NSD1: variants seen among roughly 807,000 people sequenced by gnomAD.
NSD1 encodes the protein nuclear receptor binding SET domain protein 1, also known as histone-lysine N-methyltransferase, H3 lysine-36 specific.
Under a neutral mutation model 242.7 loss-of-function variants are expected in NSD1, and 26 were observed. The ratio of observed to expected loss-of-function variants is 0.11; its 90% CI spans 0.08 to 0.15. The LOEUF is 0.15. Ranked by LOEUF, NSD1 falls within the 10% of genes least tolerant of loss-of-function variation. NSD1 has a pLI of 1.00. For synonymous variants in NSD1, 1,106 were observed against 1,178.1 expected, an observed-to-expected ratio of 0.94 and a Z score of 1.25; for missense variants, 2,495 against 3,272.8, an observed-to-expected ratio of 0.76 and a Z score of 5.80.
intron 16 of NSD1, 43 bp from the exon 17 acceptor site, chr5:177,273,629 C>G (rs763347152): frequency 7.1e-7 from 1 of 1,407,450 alleles, no homozygotes; most frequent in Non-Finnish European, 1.0e-6. Context: ...TAAGTAATTC[C>G]ACCCAGAGAT....
Position 177,176,725 on chromosome 5 carries a change from C to T in NSD1, c.928-15159C>T, listed in dbSNP as rs114254896. On this transcript the variant is annotated intron_variant, in intron 2 of 22. Coordinates refer to ENST00000439151, the MANE Select transcript of NSD1 (RefSeq NM_022455.5). ...GGTACAGTTAAAACCTAGAAAGGCT[C>T]ATTCATATAAGGGATACATTGTGTT... is the stretch of plus-strand genomic sequence containing the variant. 3.2e-3 allele frequency among the ~76,000 whole-genome samples: 486 copies of T among 152,284 alleles called. 3 individuals carry two copies. The highest frequency in any genetic ancestry group is 0.011 in the African/African-American group (450 of 41,550).
At chr5:177,268,922 T>G (rs1164203273) in intron 15 of NSD1, among the ~76,000 whole-genome samples, 2 of 152,142 alleles carry the variant, frequency 1.3e-5, no homozygotes, top group Non-Finnish European at 2.9e-5. Flanking sequence ...TTTGGTCAGT[T>G]TTTCTTGGTT....
At position 177,211,224 on chromosome 5, in the gene NSD1, G is replaced by A. The variant is rs1003599431; in HGVS notation, c.2825G>A (p.Gly942Glu). ...NLVSYRSPGR[G>E]DCSTNSPVGV... is the part of the protein sequence containing the mutation. ...GTCTCTTACCGGAGTCCTGGTCGTG[G>A]GGACTGTTCTACTAATAGTCCTGTA... The change falls in exon 5 of 23, where the codon GGG (glycine) becomes GAG (glutamate). Residue 942 changes from glycine to glutamate, a missense_variant. Coordinates refer to ENST00000439151, the MANE Select transcript of NSD1 (RefSeq NM_022455.5). 2 of 1,613,942 alleles carry A rather than the reference G, an allele frequency of 1.2e-6. No individual in the cohort carries two copies. The highest frequency in any genetic ancestry group is 1.7e-6 in the Non-Finnish European group (2 of 1,179,922).
chr5:177,169,113 A>G (rs545295407), intron 2 of NSD1, among the ~76,000 whole-genome samples: 22 of 152,268 alleles, frequency 1.4e-4, no homozygotes, highest in African/African-American at 5.1e-4. Context: ...GTATTCAGAA[A>G]GCTGTAGTGG....
At chr5:177,206,877 C>A (rs72813158) in intron 4 of NSD1, among the ~76,000 whole-genome samples, 80 of 151,556 alleles carry the variant, frequency 5.3e-4, no homozygotes, top group Non-Finnish European at 9.9e-4. Context: ...AAAATACACA[C>A]TACCAGATTG....
intron 2 of NSD1, among the ~76,000 whole-genome samples, chr5:177,147,496 A>G (rs1757350911): frequency 6.6e-6 from 1 of 152,168 alleles, no homozygotes; most frequent in African/African-American, 2.4e-5. Flanking sequence ...CATGAGTCAT[A>G]CAGTATGCAG....
chr5:177,174,159 G>A (rs1391341703), intron 2 of NSD1, among the ~76,000 whole-genome samples: 1 of 152,046 alleles, frequency 6.6e-6, no homozygotes, highest in African/African-American at 2.4e-5. Context: ...GAGGTCAAGA[G>A]ATCGAGACCA....
intron 2 of NSD1, chr5:177,136,903 C>T (rs544005934): frequency 1.0e-5 from 7 of 700,524 alleles, no homozygotes; most frequent in African/African-American, 7.0e-5. Context: ...CCCAGGCTGG[C>T]GTCGGGACTC....
intron 2 of NSD1, among the ~76,000 whole-genome samples, chr5:177,186,004 TTATATTA>T (rs1273170471): frequency 0.018 from 1,849 of 102,262 alleles, 17 homozygotes; most frequent in South Asian, 0.026. Context: ...ATTATATAAT[TTATATTA>T]TATATTATAT....
intron 2 of NSD1, among the ~76,000 whole-genome samples, chr5:177,160,301 T>G (rs915453049): frequency 2.0e-5 from 3 of 152,078 alleles, no homozygotes; most frequent in Admixed American, 6.6e-5. Flanking sequence ...TGTTTTTTTT[T>G]CTTTTCTTTT....
rs182693359 is a variant in NSD1 at position 177,299,674 on chromosome 5, A to G, written c.*4215A>G. 8.6e-6 allele frequency: 2 copies of G among 233,344 alleles called. No individual in the cohort carries two copies. The highest frequency in any genetic ancestry group is 8.5e-6 in the Non-Finnish European group (1 of 118,080). 14.5% of individuals were successfully genotyped at this position (233,344 alleles called of 1,614,324 possible). A position where few individuals can be genotyped will look rare whatever the true frequency, so the allele number is the denominator to read the frequency against. ...AGTTTAACATGCGCTGTTTCTGCTT[A>G]TGTGGTTCCTTCTCTAGAGCTGCTT... is the stretch of plus-strand genomic sequence containing the variant. On this transcript the variant is annotated 3_prime_UTR_variant, in exon 23 of 23. Transcript: ENST00000439151.
chr5:177,209,739 T>G lies in NSD1; in HGVS notation c.1340T>G (p.Ile447Ser). ...SKNRKCIPGS[I>S]KLDSEEDMPF... ...AACCGAAAATGTATTCCTGGTTCAA[T>G]CAAGTTGGACAGTGAAGAAGATATG... The change falls in exon 5 of 23, where the codon ATC becomes AGC. Residue 447 changes from isoleucine (I) to serine (S), a missense_variant. By Grantham distance (142) the Ile-to-Ser change is moderately radical. Around this residue, in one of 19 missense-constraint regions of NSD1, gnomAD observed 515 missense variants for 467.0 expected, o/e 1.10. Coordinates refer to ENST00000439151, the MANE Select transcript of NSD1 (RefSeq NM_022455.5). 1.2e-6 allele frequency: 2 copies of G among 1,614,128 alleles called. No homozygotes were observed. Among genetic ancestry groups the G allele is most frequent in the African/African-American group, 2.7e-5 (2 of 75,038 alleles).
intron 2 of NSD1, among the ~76,000 whole-genome samples, chr5:177,158,960 A>G (rs1165386431): frequency 1.4e-5 from 2 of 143,206 alleles, no homozygotes; most frequent in African/African-American, 5.5e-5. Flanking sequence ...ACATATATAT[A>G]TACACACACA....
rs768813852 is a variant in NSD1 at position 177,191,990 on chromosome 5, C to T, written c.1034C>T (p.Pro345Leu). 6.2e-7 allele frequency: 1 copy of T among 1,613,950 alleles called. No individual in the cohort carries two copies. The highest frequency in any genetic ancestry group is 1.3e-5 in the African/African-American group (1 of 74,902). The change falls in exon 3 of 23, where the codon CCG becomes CTG. Residue 345 changes from proline to leucine, a missense_variant. Pro to Leu is a moderately conservative substitution (Grantham distance 98). This residue lies in a region of NSD1 where 65 missense variants were observed against 136.2 expected (regional missense o/e 0.48). Coordinates refer to ENST00000439151, the MANE Select transcript of NSD1 (RefSeq NM_022455.5). The stretch of plus-strand genomic sequence containing the variant: ...TGGCCCTGCAGGATTTGTTCTGATC[C>T]GTTGATTAACACACATTCAAAAATG... ...PWWPCRICSDPLINTHSKMKV... is the reference protein window; with the variant it reads ...PWWPCRICSDLLINTHSKMKV...
chr5:177,144,121 G>C (rs1394760955), intron 2 of NSD1, among the ~76,000 whole-genome samples: 1 of 152,160 alleles, frequency 6.6e-6, no homozygotes, highest in African/African-American at 2.4e-5. Flanking sequence ...TACACTGCTG[G>C]TTCTGAAGTA....
chr5:177,178,539 T>C (rs1760398938), intron 2 of NSD1, among the ~76,000 whole-genome samples: 1 of 152,124 alleles, frequency 6.6e-6, no homozygotes, highest in Non-Finnish European at 1.5e-5. Context: ...AATAGACATG[T>C]TTTAAATTTA....
intron 2 of NSD1, among the ~76,000 whole-genome samples, chr5:177,147,109 A>G (rs979464383): frequency 2.0e-5 from 3 of 151,646 alleles, no homozygotes; most frequent in African/African-American, 7.3e-5. Flanking sequence ...GCAACCTTCC[A>G]TCTCTTTTTC....
intron 5 of NSD1, among the ~76,000 whole-genome samples, chr5:177,233,096 A>G (rs917025168): frequency 1.3e-5 from 2 of 152,034 alleles, no homozygotes; most frequent in East Asian, 1.9e-4. Flanking sequence ...CTTTTTTTGG[A>G]GATAGTCTCG....
chr5:177,195,887 C>A (rs139679355), intron 3 of NSD1, among the ~76,000 whole-genome samples: 28 of 152,170 alleles, frequency 1.8e-4, no homozygotes, highest in African/African-American at 6.7e-4. Flanking sequence ...TTGGGCCATA[C>A]ATCTATACTG....
Sources: gnomAD v4.1 joint callset for allele counts (sites outside exome capture counted in the v4.1 genomes callset) on GRCh38, gnomAD v4.1.1 for gene constraint, gnomAD v4.1.1 regional missense constraint, MANE v1.5 for transcripts, NCBI Gene and HGNC (gene_info 2026-07-23, HGNC 2026-07-21) for gene names.